Variants in FAM13A observed in about 807,000 individuals in gnomAD.
FAM13A encodes family with sequence similarity 13 member A, also known as protein FAM13A.
A neutral mutation model predicts 129.6 loss-of-function variants in FAM13A; 76 were observed. The ratio of observed to expected loss-of-function variants is 0.59; its 90% CI spans 0.49 to 0.71. FAM13A has a LOEUF of 0.71. Among genes scored for constraint, FAM13A ranks in the 30% least tolerant of loss-of-function variants. The pLI is 0.00. For missense variants in FAM13A, 1,108 were observed against 1,249.3 expected (o/e 0.89, Z 1.70); for synonymous variants, 443 against 449.9 (o/e 0.98, Z 0.20).
At chr4:88,850,688 G>A (rs957755044) in intron 7 of FAM13A, among the ~76,000 whole-genome samples, 1 of 152,100 alleles carries the variant, frequency 6.6e-6, no homozygotes, top group African/African-American at 2.4e-5. Context: ...TGACAACTTC[G>A]ATCTCCACTT....
At chr4:88,872,324 G>GC (rs1490663232) in intron 6 of FAM13A, among the ~76,000 whole-genome samples, 2 of 152,120 alleles carry the variant, frequency 1.3e-5, no homozygotes, top group Non-Finnish European at 2.9e-5. Flanking sequence ...TAAGCTAAAT[G>GC]CCCCAATTAA....
Position 88,933,447 on chromosome 4 carries a change from T to C in FAM13A, c.759+4641A>G, listed in dbSNP as rs139101923. Among the ~76,000 whole-genome samples, 46 of 152,264 alleles carry C rather than the reference T, an allele frequency of 3.0e-4. 2 individuals are homozygous for C. Among genetic ancestry groups the C allele is most frequent in the African/African-American group, 1.1e-3 (45 of 41,560 alleles). On this transcript the variant is annotated intron_variant, in intron 5 of 23. Coordinates refer to ENST00000264344, the MANE Select transcript of FAM13A (RefSeq NM_014883.4). ...CTTTATCTCCCATCTCTTTGCCTTCTCCTTTCCCATAATTTTCTCTTCTCC... is the reference window on the plus strand; with the variant it reads ...CTTTATCTCCCATCTCTTTGCCTTCCCCTTTCCCATAATTTTCTCTTCTCC...
At chr4:88,739,853 T>TA (rs1304511877) in intron 19 of FAM13A, among the ~76,000 whole-genome samples, 2 of 151,294 alleles carry the variant, frequency 1.3e-5, no homozygotes. Flanking sequence ...TCTATGAAAT[T>TA]ATGTTTCTAA....
At position 88,739,072 on chromosome 4, in the gene FAM13A, C is replaced by T; in HGVS notation, c.2520G>A (p.Leu840=). 11 of 1,613,912 alleles carry T rather than the reference C, an allele frequency of 6.8e-6. No homozygotes were observed. The highest frequency in any genetic ancestry group is 9.3e-6 in the Non-Finnish European group (11 of 1,179,900). The change falls in exon 20 of 24, where the codon CTG becomes CTA. Residue 840 remains leucine, a synonymous_variant. Coordinates refer to ENST00000264344, the MANE Select transcript of FAM13A (RefSeq NM_014883.4). ...TAGCTCGGGAGAGGATCTGTTTGAC[C>T]AGCCGGTACCTGTCGTATAGTGGCT... ...VMKPLYDRYR[L]VKQILSRANT...
chr4:88,875,254 C>A (rs1419013866), intron 6 of FAM13A, among the ~76,000 whole-genome samples: 1 of 152,146 alleles, frequency 6.6e-6, no homozygotes, highest in Non-Finnish European at 1.5e-5. Flanking sequence ...GGATAAAACA[C>A]CAAAAGCAAT....
intron 5 of FAM13A, among the ~76,000 whole-genome samples, chr4:88,913,368 GGAA>G (rs1441022194): frequency 2.2e-5 from 3 of 138,192 alleles, no homozygotes; most frequent in Admixed American, 7.4e-5. Flanking sequence ...GAAGAGAAGA[GGAA>G]GAAGAGGAGG....
intron 2 of FAM13A, among the ~76,000 whole-genome samples, chr4:89,021,305 C>T (rs891910964): frequency 2.0e-5 from 3 of 152,174 alleles, no homozygotes; most frequent in Admixed American, 6.5e-5. Context: ...GGAGCTGTTA[C>T]GCTGTGAAAC....
intron 3 of FAM13A, among the ~76,000 whole-genome samples, chr4:88,998,019 A>G (rs1763784561): frequency 1.3e-5 from 2 of 152,222 alleles, no homozygotes; most frequent in African/African-American, 4.8e-5. Context: ...GCAAAGAAAT[A>G]GAGACTTCAG....
intron 1 of FAM13A, among the ~76,000 whole-genome samples, chr4:89,030,725 G>A (rs1417024380): frequency 6.6e-6 from 1 of 152,040 alleles, no homozygotes; most frequent in Non-Finnish European, 1.5e-5. Context: ...TCTTGCTCTA[G>A]GTCCATGTTC....
intron 4 of FAM13A, among the ~76,000 whole-genome samples, chr4:88,981,552 A>G (rs1026990712): frequency 6.6e-6 from 1 of 152,198 alleles, no homozygotes; most frequent in African/African-American, 2.4e-5. Flanking sequence ...CTGCTACATC[A>G]CTAGGTACAC....
At chr4:88,904,278 A>G (rs1747785920) in intron 6 of FAM13A, among the ~76,000 whole-genome samples, 1 of 152,234 alleles carries the variant, frequency 6.6e-6, no homozygotes, top group Non-Finnish European at 1.5e-5. Context: ...TATATGTCCA[A>G]AAGAATATAA....
chr4:88,959,050 G>GTA (rs1758211579), intron 4 of FAM13A, among the ~76,000 whole-genome samples: 1 of 152,168 alleles, frequency 6.6e-6, no homozygotes, highest in Non-Finnish European at 1.5e-5. Context: ...GAATGGTAGT[G>GTA]TTTACCTAAT....
chr4:88,846,996 T>C (rs1242002362), intron 7 of FAM13A, among the ~76,000 whole-genome samples: 3 of 152,232 alleles, frequency 2.0e-5, no homozygotes, highest in East Asian at 1.9e-4. Context: ...TTCAAAGATA[T>C]ATAAAGGATT....
chr4:89,008,264 A>G (rs1318653978), intron 3 of FAM13A, among the ~76,000 whole-genome samples: 1 of 152,180 alleles, frequency 6.6e-6, no homozygotes, highest in African/African-American at 2.4e-5. Context: ...CCCACAGTGG[A>G]AGACAGCACC....
At chr4:88,910,509 G>A (rs1748918410) in intron 5 of FAM13A, among the ~76,000 whole-genome samples, 1 of 151,994 alleles carries the variant, frequency 6.6e-6, no homozygotes, top group African/African-American at 2.4e-5. Context: ...CACTGGAGCA[G>A]GTTATCTTCC....
At chr4:88,933,928 T>C (rs148095270) in intron 5 of FAM13A, among the ~76,000 whole-genome samples, 75 of 152,302 alleles carry the variant, frequency 4.9e-4, no homozygotes, top group Middle Eastern at 6.8e-3. Flanking sequence ...ATAGACACAA[T>C]CTGCTGATCC....
intron 6 of FAM13A, among the ~76,000 whole-genome samples, chr4:88,872,729 C>T (rs922883039): frequency 3.3e-5 from 5 of 152,206 alleles, no homozygotes; most frequent in African/African-American, 4.8e-5. Flanking sequence ...GACAGATCAA[C>T]GAGACAGAAG....
intron 3 of FAM13A, among the ~76,000 whole-genome samples, chr4:89,002,176 C>CAAAAA (rs11370599): frequency 4.3e-5 from 5 of 115,660 alleles, no homozygotes; most frequent in South Asian, 3.2e-4. Context: ...CACCCAACGG[C>CAAAAA]AAAAAAAAAA....
rs189319125 is a variant in FAM13A at position 88,807,584 on chromosome 4, G to A, written c.1008-2532C>T. 7.9e-5 allele frequency among the ~76,000 whole-genome samples: 12 copies of A among 152,170 alleles called. No individual in the cohort carries two copies. The East Asian group carries it at 1.9e-3, about 24-fold the overall frequency. On this transcript the variant is annotated intron_variant, in intron 7 of 23. Coordinates refer to ENST00000264344, the MANE Select transcript of FAM13A (RefSeq NM_014883.4). ...GATTTTTAACTTACTAAAGTACAGC[G>A]AGATGACTAGGTTAGTGAAGAAAAT... is the stretch of plus-strand genomic sequence containing the variant.
Sources: allele counts gnomAD v4.1 joint callset (sites outside exome capture counted in the v4.1 genomes callset), GRCh38; gene constraint gnomAD v4.1.1; transcripts MANE v1.5; gene names NCBI Gene and HGNC (gene_info 2026-07-23, HGNC 2026-07-21).